Variants in CABIN1 observed in about 807,000 individuals in gnomAD.
CABIN1 encodes the protein calcineurin binding protein 1, also known as calcineurin-binding protein cabin-1.
In CABIN1, 133 loss-of-function variants were observed where a neutral mutation model predicts 227.7. That is an observed-to-expected ratio of 0.58 (90% CI 0.51 to 0.67). CABIN1 has a LOEUF of 0.67. Among genes scored for constraint, CABIN1 ranks in the 30% least tolerant of loss-of-function variants. CABIN1 has a pLI of 0.00. For missense variants in CABIN1, 2,408 were observed against 2,852.5 expected (o/e 0.84, Z 3.55); for synonymous variants, 1,086 against 1,155.1 (o/e 0.94, Z 1.21).
rs1036032409 is a variant in CABIN1 at position 24,156,480 on chromosome 22, G to A, written c.4747-7920G>A. 2.8e-5 allele frequency: 5 copies of A among 175,882 alleles called. No individual in the cohort carries two copies. The East Asian group carries it at 4.6e-4, about 16-fold the overall frequency. 10.9% of individuals were successfully genotyped at this position (175,882 alleles called of 1,614,324 possible). A position where few individuals can be genotyped will look rare whatever the true frequency, so the allele number is the denominator to read the frequency against. On this transcript the variant is annotated intron_variant, in intron 29 of 36. Coordinates refer to ENST00000263119, the MANE Select transcript of CABIN1 (RefSeq NM_012295.4). ...AGCCCCGGGCTGGGAGCTGGCTCGT[G>A]GGGGCGTGCGCTGCGCGAAAGCGAA...
intron 29 of CABIN1, among the ~76,000 whole-genome samples, chr22:24,152,548 C>G (rs1466738216): frequency 2.6e-5 from 4 of 152,198 alleles, no homozygotes; most frequent in Non-Finnish European, 5.9e-5. Context: ...AGCAGGGAGG[C>G]AGGTAAGCAG....
intron 28 of CABIN1, among the ~76,000 whole-genome samples, chr22:24,120,708 G>C (rs2043359277): frequency 6.6e-6 from 1 of 152,218 alleles, no homozygotes. Context: ...AGCTACTCGG[G>C]AGGCTGAGTC....
intron 1 of CABIN1, among the ~76,000 whole-genome samples, chr22:24,030,363 C>T (rs1211646330): frequency 6.6e-6 from 1 of 152,168 alleles, no homozygotes; most frequent in Non-Finnish European, 1.5e-5. Context: ...GTCAGCTAGT[C>T]TCCCTAAGCC....
In CABIN1 at chr22:24,036,101, G is replaced by A; in HGVS notation, c.16G>A (p.Ala6Thr). MIRIAALNASSTIEDD... is the reference protein window; with the variant it reads MIRIATLNASSTIEDD... ...CCCCTGTTTCTAGATTCGAATTGCAGCCTTAAATGCCAGCTCCACCATTGA... is the reference window on the plus strand; with the variant it reads ...CCCCTGTTTCTAGATTCGAATTGCAACCTTAAATGCCAGCTCCACCATTGA... Residue 6 changes from alanine (A) to threonine (T), a missense_variant, in exon 3 of 37, where the codon GCC (alanine) becomes ACC (threonine). Transcript: ENST00000263119. The A allele has an allele frequency of 6.2e-7, 1 of 1,613,602 alleles. No homozygotes were observed.
rs753592317 is a variant in CABIN1, at chr22:24,166,748, C to T, written c.5117C>T (p.Pro1706Leu). The T allele has an allele frequency of 1.6e-5, 25 of 1,612,806 alleles. 1 individual carries two copies. In the South Asian group the frequency reaches 2.1e-4, roughly 13 times the overall value. ...GATGGCCAGGAGGGCCTCCCCCAGC[C>T]GAAGAAGCCCCCTCTGGCTGATGGC... ...PEDGQEGLPQ[P>L]KKPPLADGSG... The change falls in exon 32 of 37, where the codon CCG (proline) becomes CTG (leucine). Residue 1706 changes from proline to leucine, a missense_variant. Around this residue, in one of 3 missense-constraint regions of CABIN1, gnomAD observed 714 missense variants for 773.8 expected, o/e 0.92. Transcript: ENST00000263119.
chr22:24,168,377 C>A (rs2046582012), intron 32 of CABIN1, 70 bp from the exon 33 acceptor site: 3 of 1,471,020 alleles, frequency 2.0e-6, no homozygotes, highest in Non-Finnish European at 2.8e-6. Context: ...GTGCTACATA[C>A]ACAGACAGGG....
chr22:24,033,624 A>G (rs540817116), intron 1 of CABIN1, among the ~76,000 whole-genome samples: 1 of 152,218 alleles, frequency 6.6e-6, no homozygotes, highest in South Asian at 2.1e-4. Flanking sequence ...GGTAGTGTCC[A>G]TATCCCCATC....
chr22:24,080,311 T>C (rs926561916), intron 19 of CABIN1, among the ~76,000 whole-genome samples: 14 of 152,232 alleles, frequency 9.2e-5, no homozygotes, highest in Non-Finnish European at 8.8e-5. Context: ...TGATACCTGG[T>C]AGGGTTAACC....
intron 28 of CABIN1, among the ~76,000 whole-genome samples, chr22:24,127,858 A>G (rs1033183267): frequency 1.3e-5 from 2 of 152,166 alleles, no homozygotes; most frequent in African/African-American, 4.8e-5. Context: ...GAACAGTTGT[A>G]TATATATGAG....
chr22:24,157,299 A>G (rs560117401), intron 29 of CABIN1, among the ~76,000 whole-genome samples: 1 of 152,270 alleles, frequency 6.6e-6, no homozygotes, highest in African/African-American at 2.4e-5. Context: ...TCAGGAAGAT[A>G]GGGAGCTGCT....
chr22:24,091,235 G>A (rs1290542169), intron 23 of CABIN1, among the ~76,000 whole-genome samples: 2 of 152,204 alleles, frequency 1.3e-5, no homozygotes, highest in Non-Finnish European at 2.9e-5. Context: ...CGTAGGGCTG[G>A]GTGCTGAGTG....
intron 6 of CABIN1, 74 bp from the exon 7 acceptor site, chr22:24,049,017 C>T (rs1026970235): frequency 1.3e-6 from 2 of 1,564,602 alleles, no homozygotes; most frequent in Admixed American, 1.7e-5. Flanking sequence ...GCAGGATTTT[C>T]CTGATGTTAA....
chr22:24,150,850 C>T (rs1273604910), intron 29 of CABIN1, among the ~76,000 whole-genome samples: 1 of 152,198 alleles, frequency 6.6e-6, no homozygotes, highest in African/African-American at 2.4e-5. Flanking sequence ...CTCTTCCTGG[C>T]AGATGGACCC....
At chr22:24,030,947 G>A (rs755849022) in intron 1 of CABIN1, among the ~76,000 whole-genome samples, 1 of 152,200 alleles carries the variant, frequency 6.6e-6, no homozygotes, top group Non-Finnish European at 1.5e-5. Flanking sequence ...GGCACACCTG[G>A]CACCATTCTG....
chr22:24,117,632 C>T (rs1313181885), intron 27 of CABIN1, among the ~76,000 whole-genome samples: 1 of 152,190 alleles, frequency 6.6e-6, no homozygotes, highest in African/African-American at 2.4e-5. Flanking sequence ...CGGGTCTTCC[C>T]TGAAGCTGGG....
chr22:24,048,659 A>T (rs942826704), intron 6 of CABIN1, among the ~76,000 whole-genome samples: 7 of 152,146 alleles, frequency 4.6e-5, no homozygotes, highest in Non-Finnish European at 8.8e-5. Flanking sequence ...GGGCTCAAGC[A>T]ATCTGCCCAA....
chr22:24,169,834 A>T (rs140058882), intron 33 of CABIN1, among the ~76,000 whole-genome samples: 25 of 152,372 alleles, frequency 1.6e-4, no homozygotes, highest in African/African-American at 5.8e-4. Context: ...TAGCGTGAGA[A>T]GAAAGGGCTA....
chr22:24,168,526 G>A lies in CABIN1; in HGVS notation c.5757+5G>A, dbSNP rs1214780496. 1.3e-6 allele frequency: 2 copies of A among 1,552,780 alleles called. No individual in the cohort carries two copies. Among genetic ancestry groups the A allele is most frequent in the Non-Finnish European group, 1.7e-6 (2 of 1,147,576 alleles). Reference sequence around the variant, plus strand: ...GGGGCTGCCGCCCAGAGACAGGTAAGCCCAATTTAGCCTGTGCCAGCCTCA... The same window carrying A: ...GGGGCTGCCGCCCAGAGACAGGTAAACCCAATTTAGCCTGTGCCAGCCTCA... On this transcript the variant is annotated splice_donor_5th_base_variant and intron_variant, in intron 33 of 36. Transcript: ENST00000263119.
chr22:24,155,562 T>G (rs1175467480), intron 29 of CABIN1, among the ~76,000 whole-genome samples: 2 of 152,130 alleles, frequency 1.3e-5, no homozygotes, highest in Non-Finnish European at 2.9e-5. Context: ...AGGACATTAC[T>G]CCAGCGGTCT....
Sources: gnomAD v4.1 joint callset for allele counts (sites outside exome capture counted in the v4.1 genomes callset) on GRCh38, gnomAD v4.1.1 for gene constraint, gnomAD v4.1.1 regional missense constraint, MANE v1.5 for transcripts, NCBI Gene and HGNC (gene_info 2026-07-23, HGNC 2026-07-21) for gene names.